AFF2: variants seen among roughly 807,000 people sequenced by gnomAD.
AFF2 encodes the protein ALF transcription elongation factor 2.
A neutral mutation model predicts 76.9 loss-of-function variants in AFF2; 14 were observed. The ratio of observed to expected loss-of-function variants is 0.18; its 90% CI spans 0.12 to 0.28. The LOEUF is 0.28. Ranked by LOEUF, AFF2 falls within the 10% of genes least tolerant of loss-of-function variation. AFF2 has a pLI of 1.00. For missense variants in AFF2, 868 were observed against 1,001.1 expected, an observed-to-expected ratio of 0.87 and a Z score of 1.79; for synonymous variants, 398 against 366.7, an observed-to-expected ratio of 1.09 and a Z score of -0.98.
At chrX:148,641,079 C>T (rs2054084152) in intron 1 of AFF2, among the ~76,000 whole-genome samples, 1 of 111,405 alleles carries the variant, frequency 9.0e-6, no homozygotes, top group Non-Finnish European at 1.9e-5. Context: ...GGATTTGCCT[C>T]TCCTGGGCTG....
chrX:148,643,491 A>ATG (rs1188376687), intron 1 of AFF2, among the ~76,000 whole-genome samples: 1 of 111,945 alleles, frequency 8.9e-6, no homozygotes, highest in Non-Finnish European at 1.9e-5. Context: ...AATGAGCCAT[A>ATG]TGAAGTGATA....
chrX:148,925,899 G>T (rs1170311493), intron 9 of AFF2, among the ~76,000 whole-genome samples: 1 of 112,124 alleles, frequency 8.9e-6, no homozygotes, highest in Non-Finnish European at 1.9e-5. Flanking sequence ...ACCTGGATTT[G>T]AAATCTGGTT....
At chrX:148,538,433 G>A (rs2052811833) in intron 1 of AFF2, among the ~76,000 whole-genome samples, 1 of 111,698 alleles carries the variant, frequency 9.0e-6, no homozygotes, top group Non-Finnish European at 1.9e-5. Flanking sequence ...GTATGAGGCT[G>A]AAGGTCAACT....
At position 148,595,069 on chromosome X, in the gene AFF2, G is replaced by A. The variant is rs1423642319; in HGVS notation, c.48-56930G>A. Among the ~76,000 whole-genome samples the A allele has an allele frequency of 7.1e-5, 8 of 112,050 alleles. No homozygotes were observed. In the Admixed American group the frequency reaches 7.6e-4, roughly 11 times the overall value. On this transcript the variant is annotated intron_variant, in intron 1 of 20. Transcript: ENST00000370460. ...CCTCCAGAAAGAAGGAAGAAGGGAG[G>A]AAGGTAGGAGAGAGGGAGAGAATAG...
intron 3 of AFF2, among the ~76,000 whole-genome samples, chrX:148,757,335 C>G (rs2124582335): frequency 9.0e-6 from 1 of 111,658 alleles, no homozygotes; most frequent in East Asian, 2.8e-4. Flanking sequence ...GGAAAGTTTG[C>G]TGACTGCGAT....
At chrX:148,666,026 C>A (rs1194858418) in intron 3 of AFF2, among the ~76,000 whole-genome samples, 3 of 111,801 alleles carry the variant, frequency 2.7e-5, no homozygotes, top group Non-Finnish European at 5.6e-5. Flanking sequence ...CTAAGCTATA[C>A]AAATAAGCAG....
intron 3 of AFF2, among the ~76,000 whole-genome samples, chrX:148,693,398 C>G (rs2054676310): frequency 3.6e-5 from 4 of 111,976 alleles, no homozygotes; most frequent in African/African-American, 1.3e-4. Flanking sequence ...TGTTTCTGCT[C>G]AGAAAGAGGC....
At chrX:148,833,167 T>C (rs1441005726) in intron 4 of AFF2, among the ~76,000 whole-genome samples, 1 of 111,540 alleles carries the variant, frequency 9.0e-6, no homozygotes, top group Non-Finnish European at 1.9e-5. Flanking sequence ...ACTTCAACTA[T>C]TGAAGCCTTT....
chrX:148,697,487 AGCAGATG>A (rs1381780536), intron 3 of AFF2, among the ~76,000 whole-genome samples: 1 of 111,631 alleles, frequency 9.0e-6, no homozygotes, highest in East Asian at 2.8e-4. Flanking sequence ...CTACATCTAC[AGCAGATG>A]GGTCAGGCCA....
At chrX:148,983,962 A>AAAAAAAAAAAAAAAAAAAAAAC (rs2072429627) in intron 19 of AFF2, among the ~76,000 whole-genome samples, 2 of 101,275 alleles carry the variant, frequency 2.0e-5, no homozygotes, top group Admixed American at 1.1e-4. Flanking sequence ...ACAAAAAAAA[A>AAAAAAAAAAAAAAAAAAAAAAC]AAAAAACTGC....
rs1477020108 is a variant in AFF2, at chrX:148,998,100, A to G, written c.*6768A>G. ...CAGTAGTGAGCCTTTTAGAGATACC[A>G]TGCTCAGAAATCCTCTTTGGGATCA... On this transcript the variant is annotated 3_prime_UTR_variant, in exon 21 of 21. Transcript: ENST00000370460. 1 of 111,851 alleles carries G rather than the reference A, an allele frequency of 8.9e-6. No homozygotes were observed. The highest frequency in any genetic ancestry group is 1.9e-5 in the Non-Finnish European group (1 of 53,162). The allele number at this position is 111,851 out of a possible 1,213,427, so 9.2% of individuals were successfully genotyped here.
intron 6 of AFF2, 146 bp from the exon 7 acceptor site, chrX:148,843,236 T>A (rs966036300): frequency 4.8e-5 from 25 of 515,883 alleles, no homozygotes; most frequent in Non-Finnish European, 7.4e-5. Flanking sequence ...TATATCTAAC[T>A]GGTTCCCCCC....
At chrX:148,704,782 C>T (rs2054862478) in intron 3 of AFF2, among the ~76,000 whole-genome samples, 1 of 108,848 alleles carries the variant, frequency 9.2e-6, no homozygotes, top group Non-Finnish European at 1.9e-5. Context: ...CCGCCTCGGC[C>T]TCCCAAAGTG....
chrX:148,917,322 G>A (rs1261215742), intron 9 of AFF2, among the ~76,000 whole-genome samples: 1 of 112,099 alleles, frequency 8.9e-6, no homozygotes, highest in Admixed American at 9.4e-5. Flanking sequence ...TAGTGCATGG[G>A]TAGTTATATT....
chrX:148,688,275 T>G (rs896224625), intron 3 of AFF2, among the ~76,000 whole-genome samples: 15 of 111,380 alleles, frequency 1.3e-4, no homozygotes, highest in Non-Finnish European at 5.7e-5. Context: ...AAGTCAAACC[T>G]CTGGAGATCC....
In AFF2 at chrX:148,731,435, AC is replaced by A. The variant is rs201748140; in HGVS notation, c.1041+68671del. Among the ~76,000 whole-genome samples the A allele has an allele frequency of 5.4e-3, 605 of 111,803 alleles. 4 individuals carry two copies. The highest frequency in any genetic ancestry group is 0.019 in the African/African-American group (588 of 30,792). On this transcript the variant is annotated intron_variant, in intron 3 of 20. Transcript: ENST00000370460. ...AAATTGCATTTTCCTTCAAAGTGCA[AC>A]CCCTACCTTTTCTCAGAAATAACAG...
chrX:148,597,246 G>A (rs2053582371), intron 1 of AFF2, among the ~76,000 whole-genome samples: 4 of 111,234 alleles, frequency 3.6e-5, no homozygotes, highest in African/African-American at 1.3e-4. Context: ...CCTATGAAAG[G>A]CCCTATGAGG....
chrX:148,592,725 G>A (rs995781664), intron 1 of AFF2, among the ~76,000 whole-genome samples: 2 of 111,470 alleles, frequency 1.8e-5, no homozygotes, highest in Non-Finnish European at 3.8e-5. Flanking sequence ...TAGGGCACTG[G>A]CCTACTCCTG....
At chrX:148,721,382 G>A (rs2055090966) in intron 3 of AFF2, among the ~76,000 whole-genome samples, 1 of 112,171 alleles carries the variant, frequency 8.9e-6, no homozygotes, top group Non-Finnish European at 1.9e-5. Flanking sequence ...CCTCACATGT[G>A]AAATGGGGAT....
Sources: gnomAD v4.1 joint callset for allele counts (sites outside exome capture counted in the v4.1 genomes callset) on GRCh38, gnomAD v4.1.1 for gene constraint, MANE v1.5 for transcripts, NCBI Gene and HGNC (gene_info 2026-07-23, HGNC 2026-07-21) for gene names.